Variants in OLA1 observed in about 807,000 individuals in gnomAD.
The protein encoded by OLA1 is Obg like ATPase 1.
OLA1 carries 14 observed loss-of-function variants against 48.4 expected under a neutral mutation model. The ratio of observed to expected loss-of-function variants is 0.29; its 90% CI spans 0.19 to 0.45. The LOEUF is 0.45. Among genes scored for constraint, OLA1 ranks in the 20% least tolerant of loss-of-function variants. The pLI is 1.00. For missense variants in OLA1, 325 were observed against 467.1 expected (o/e 0.70, Z 2.80); for synonymous variants, 127 against 150.4 (o/e 0.84, Z 1.14).
chr2:174,103,309 A>G (rs1685439979), intron 7 of OLA1, among the ~76,000 whole-genome samples: 1 of 152,306 alleles, frequency 6.6e-6, no homozygotes, highest in South Asian at 2.1e-4. Flanking sequence ...ATATTTTGTG[A>G]CAGTGAAATT....
intron 2 of OLA1, among the ~76,000 whole-genome samples, chr2:174,238,821 T>C (rs995214105): frequency 3.3e-5 from 5 of 152,242 alleles, no homozygotes; most frequent in Admixed American, 6.5e-5. Flanking sequence ...ATATAAAATA[T>C]GTTGTATATA....
chr2:174,113,355 G>A (rs1169007493), intron 7 of OLA1, among the ~76,000 whole-genome samples: 1 of 152,002 alleles, frequency 6.6e-6, no homozygotes, highest in East Asian at 1.9e-4. Flanking sequence ...TTTTTGGGGG[G>A]TTTATTCTGT....
chr2:174,186,364 C>G (rs1245996041), intron 4 of OLA1, among the ~76,000 whole-genome samples: 1 of 152,148 alleles, frequency 6.6e-6, no homozygotes, highest in Admixed American at 6.5e-5. Context: ...ACCCAAAATG[C>G]TCCAATATCC....
In OLA1 at chr2:174,089,790, T is replaced by C. The variant is rs1273620569; in HGVS notation, c.729-7726A>G. ...GGTAGCCCATGCCTGTAGTCCCAACTACTTGGAAGGCTGAGGTGGGAGGAT... is the reference window on the plus strand; with the variant it reads ...GGTAGCCCATGCCTGTAGTCCCAACCACTTGGAAGGCTGAGGTGGGAGGAT... On this transcript the variant is annotated intron_variant, in intron 7 of 10. Transcript: ENST00000284719. 4.0e-5 allele frequency among the ~76,000 whole-genome samples: 6 copies of C among 150,604 alleles called. No individual in the cohort carries two copies. The East Asian group carries it at 9.8e-4, about 25-fold the overall frequency.
At chr2:174,216,836 G>A (rs908565725) in intron 4 of OLA1, among the ~76,000 whole-genome samples, 17 of 151,990 alleles carry the variant, frequency 1.1e-4, no homozygotes, top group Admixed American at 9.2e-4. Context: ...CTGAGCCACC[G>A]CACCTGGCCA....
chr2:174,212,884 A>G (rs1688275924), intron 4 of OLA1, among the ~76,000 whole-genome samples: 1 of 152,208 alleles, frequency 6.6e-6, no homozygotes, highest in African/African-American at 2.4e-5. Flanking sequence ...TCTTCTGGAT[A>G]GCTCCGGAAG....
chr2:174,193,531 T>A (rs1206266704), intron 4 of OLA1, among the ~76,000 whole-genome samples: 1 of 152,224 alleles, frequency 6.6e-6, no homozygotes, highest in African/African-American at 2.4e-5. Flanking sequence ...ATAGTTTTTA[T>A]GCCTAAAATG....
chr2:174,231,909 G>A (rs1054535762), intron 2 of OLA1, among the ~76,000 whole-genome samples: 3 of 152,100 alleles, frequency 2.0e-5, no homozygotes, highest in South Asian at 2.1e-4. Context: ...TGAAAGTTTT[G>A]GCCTATGCCT....
At chr2:174,211,430 A>G (rs1688241866) in intron 4 of OLA1, among the ~76,000 whole-genome samples, 1 of 152,240 alleles carries the variant, frequency 6.6e-6, no homozygotes, top group Non-Finnish European at 1.5e-5. Context: ...TTTTAGAAAT[A>G]CATTATTGAT....
rs527427334 is a variant in OLA1, at chr2:174,204,614, T to C, written c.373+18419A>G. Among the ~76,000 whole-genome samples, 4 of 152,258 alleles carry C rather than the reference T, an allele frequency of 2.6e-5. No individual in the cohort carries two copies. The East Asian group carries it at 7.7e-4, about 29-fold the overall frequency. ...AGCAAAATAACTGAAAACATCCAGC[T>C]GTCTAAAAATTAGAGAATGATAAAT... is the stretch of plus-strand genomic sequence containing the variant. On this transcript the variant is annotated intron_variant, in intron 4 of 10. Coordinates refer to ENST00000284719, the MANE Select transcript of OLA1 (RefSeq NM_013341.5).
chr2:174,135,282 A>G (rs1019698020), intron 5 of OLA1, among the ~76,000 whole-genome samples: 5 of 152,180 alleles, frequency 3.3e-5, no homozygotes, highest in African/African-American at 7.2e-5. Flanking sequence ...GAGAGTTGAG[A>G]AAAAAGTAAT....
intron 5 of OLA1, among the ~76,000 whole-genome samples, chr2:174,127,323 AG>A (rs1282471437): frequency 4.6e-5 from 7 of 152,186 alleles, no homozygotes; most frequent in Non-Finnish European, 8.8e-5. Flanking sequence ...ACATCCCCCA[AG>A]GTTGTTACCC....
chr2:174,119,413 AG>A (rs1386716876), intron 7 of OLA1, among the ~76,000 whole-genome samples: 6 of 152,232 alleles, frequency 3.9e-5, no homozygotes, highest in South Asian at 2.1e-4. Flanking sequence ...CTCCTACAAT[AG>A]TTCTATAGAA....
At chr2:174,099,928 T>C (rs1001434030) in intron 7 of OLA1, among the ~76,000 whole-genome samples, 1 of 152,218 alleles carries the variant, frequency 6.6e-6, no homozygotes, top group Admixed American at 6.5e-5. Context: ...ATCTTTCCAT[T>C]GTAATCAAAG....
chr2:174,203,604 A>C (rs1688039710), intron 4 of OLA1, among the ~76,000 whole-genome samples: 1 of 151,154 alleles, frequency 6.6e-6, no homozygotes, highest in South Asian at 2.1e-4. Context: ...CCTGGTCTCT[A>C]TCAGCTTTAG....
rs1021364612 is a variant in OLA1 at position 174,139,805 on chromosome 2, C to T, written c.549+2020G>A. Among the ~76,000 whole-genome samples the T allele has an allele frequency of 5.7e-5, 8 of 139,232 alleles. No homozygotes were observed. In the East Asian group the frequency reaches 1.7e-3, roughly 30 times the overall value. The allele number at this position is 139,232 out of a possible 152,430, so 91.3% of individuals were successfully genotyped here. On this transcript the variant is annotated intron_variant, in intron 5 of 10. Coordinates refer to ENST00000284719, the MANE Select transcript of OLA1 (RefSeq NM_013341.5). The stretch of plus-strand genomic sequence containing the variant: ...ACTTCAACCAGGGAGGCGGAGGTTG[C>T]AGTGAGCCGAGATAGTGCCACTGAA...
Position 174,211,573 on chromosome 2 carries a change from T to TA in OLA1, c.373+11459dup, listed in dbSNP as rs1408279993. ...GGTATTTAAAATGAAAAATTCCTCA[T>TA]ATTTAAAAATCAGAATAATACATAT... On this transcript the variant is annotated intron_variant, in intron 4 of 10. Coordinates refer to ENST00000284719, the MANE Select transcript of OLA1 (RefSeq NM_013341.5). Among the ~76,000 whole-genome samples the TA allele has an allele frequency of 2.6e-5, 4 of 152,306 alleles. No individual in the cohort carries two copies. In the East Asian group the frequency reaches 7.7e-4, roughly 29 times the overall value.
At chr2:174,235,209 C>T (rs1688820771) in intron 2 of OLA1, among the ~76,000 whole-genome samples, 1 of 151,984 alleles carries the variant, frequency 6.6e-6, no homozygotes. Context: ...TATGAAGTAC[C>T]TCTAAGGCAC....
At chr2:174,145,030 T>C (rs1263213765) in intron 4 of OLA1, among the ~76,000 whole-genome samples, 1 of 140,218 alleles carries the variant, frequency 7.1e-6, no homozygotes, top group African/African-American at 2.6e-5. Context: ...TTGCTGATCA[T>C]AGAATCTTAG....
Sources: gnomAD v4.1 joint callset for allele counts (sites outside exome capture counted in the v4.1 genomes callset) on GRCh38, gnomAD v4.1.1 for gene constraint, MANE v1.5 for transcripts, NCBI Gene and HGNC (gene_info 2026-07-23, HGNC 2026-07-21) for gene names.